The following ZBTB8A variants were observed in gnomAD, a reference collection of about 807,000 sequenced individuals.
The protein encoded by ZBTB8A is zinc finger and BTB domain containing 8A, also known as zinc finger and BTB domain-containing protein 8A.
In ZBTB8A, 19 loss-of-function variants were observed where a neutral mutation model predicts 37.8. The ratio of observed to expected loss-of-function variants is 0.50; its 90% CI spans 0.35 to 0.74. ZBTB8A has a LOEUF of 0.74. Ranked by LOEUF, ZBTB8A falls within the 30% of genes least tolerant of loss-of-function variation. The probability of loss-of-function intolerance (pLI) is 0.01; values close to 1 mark genes in which losing one functional copy is unlikely to be tolerated. For missense variants in ZBTB8A, 394 were observed against 537.8 expected, an observed-to-expected ratio of 0.73 and a Z score of 2.65; for synonymous variants, 181 against 185.2, an observed-to-expected ratio of 0.98 and a Z score of 0.19.
At position 32,601,945 on chromosome 1, in the gene ZBTB8A, T is replaced by G; in HGVS notation, c.*1526T>G. On this transcript the variant is annotated 3_prime_UTR_variant, in exon 5 of 5. Coordinates refer to ENST00000373510, the MANE Select transcript of ZBTB8A (RefSeq NM_001040441.3). The stretch of plus-strand genomic sequence containing the variant: ...TAAAGTATAAAACTATTTGAACAAA[T>G]TATTCACTTAAATATGTTGAACATT... 6.0e-6 allele frequency: 2 copies of G among 331,628 alleles called. No homozygotes were observed. The highest frequency in any genetic ancestry group is 9.2e-5 in the East Asian group (2 of 21,784). The allele number at this position is 331,628 out of a possible 1,614,324, so 20.5% of individuals were successfully genotyped here.
Position 32,584,933 on chromosome 1 carries a change from C to T in ZBTB8A, c.-1-7998C>T, listed in dbSNP as rs572140696. ...GGAGATCCTAGCACATGCAATAGGA[C>T]AAACATAAGAAATGAGACAGAAAAA... On this transcript the variant is annotated intron_variant, in intron 2 of 4. Transcript: ENST00000373510. Among the ~76,000 whole-genome samples, 3 of 149,482 alleles carry T rather than the reference C, an allele frequency of 2.0e-5. No homozygotes were observed. In the South Asian group the frequency reaches 6.3e-4, roughly 32 times the overall value.
At chr1:32,541,536 C>T (rs138348433) in intron 1 of ZBTB8A, among the ~76,000 whole-genome samples, 2 of 152,218 alleles carry the variant, frequency 1.3e-5, no homozygotes, top group South Asian at 4.1e-4. Flanking sequence ...TTTTCTGTCT[C>T]AGGCCATTTG....
intron 1 of ZBTB8A, among the ~76,000 whole-genome samples, chr1:32,552,542 G>A (rs1171746839): frequency 6.6e-6 from 1 of 151,786 alleles, no homozygotes; most frequent in Non-Finnish European, 1.5e-5. Context: ...GGTGTGTGCC[G>A]GTAATCCCAG....
In ZBTB8A at chr1:32,593,471, G is replaced by A. The variant is rs200375463; in HGVS notation, c.540G>A (p.Trp180Ter). 6.2e-7 allele frequency: 1 copy of A among 1,613,920 alleles called. No homozygotes were observed. Among genetic ancestry groups the A allele is most frequent in the Non-Finnish European group, 8.5e-7 (1 of 1,180,030 alleles). ...CAGGTATAATAAGTGGAAAATCTTGGAATAAGTATAATTATCATCCAGCCT... is the reference window on the plus strand; with the variant it reads ...CAGGTATAATAAGTGGAAAATCTTGAAATAAGTATAATTATCATCCAGCCT... ...QGTGIISGKS[W>*]NKYNYHPASQ... Residue 180 changes from tryptophan (W) to a stop codon, truncating the protein, a stop_gained, in exon 3 of 5, where the codon TGG becomes TGA. Transcript: ENST00000373510. LOFTEE classifies it high-confidence loss of function.
intron 2 of ZBTB8A, among the ~76,000 whole-genome samples, chr1:32,562,396 C>T (rs956517395): frequency 6.6e-6 from 1 of 151,736 alleles, no homozygotes; most frequent in Admixed American, 6.6e-5. Context: ...CTCAGCCTCC[C>T]GAGTAGCTGG....
chr1:32,573,353 C>T (rs1016792641), intron 2 of ZBTB8A, among the ~76,000 whole-genome samples: 11 of 150,718 alleles, frequency 7.3e-5, no homozygotes, highest in Non-Finnish European at 1.0e-4. Context: ...TGATTACAGG[C>T]GTGAGCCACC....
chr1:32,564,623 C>T (rs1029004492), intron 2 of ZBTB8A, among the ~76,000 whole-genome samples: 1 of 151,940 alleles, frequency 6.6e-6, no homozygotes, highest in African/African-American at 2.4e-5. Flanking sequence ...CACCAAAATA[C>T]CAAATAATTA....
chr1:32,595,036 C>T lies in ZBTB8A; in HGVS notation c.824-18C>T, dbSNP rs1175407677. On this transcript the variant is annotated intron_variant, in intron 3 of 4. Coordinates refer to ENST00000373510, the MANE Select transcript of ZBTB8A (RefSeq NM_001040441.3). ...GTTATGAACTTTCCAGTGATTTAATCAAAGCGTCTCTTGACAGATGATCTG... is the reference window on the plus strand; with the variant it reads ...GTTATGAACTTTCCAGTGATTTAATTAAAGCGTCTCTTGACAGATGATCTG... The T allele has an allele frequency of 6.2e-7, 1 of 1,600,634 alleles. No homozygotes were observed. The highest frequency in any genetic ancestry group is 1.1e-5 in the South Asian group (1 of 89,036).
chr1:32,575,494 A>C (rs541459389), intron 2 of ZBTB8A, among the ~76,000 whole-genome samples: 1 of 150,518 alleles, frequency 6.6e-6, no homozygotes, highest in Non-Finnish European at 1.5e-5. Flanking sequence ...CAAAGTGCTG[A>C]GATTACAGGC....
intron 2 of ZBTB8A, among the ~76,000 whole-genome samples, chr1:32,583,766 T>G (rs1644424978): frequency 6.6e-6 from 1 of 151,898 alleles, no homozygotes; most frequent in Admixed American, 6.6e-5. Context: ...GTTTTTGAAA[T>G]GGAGTCTCAC....
rs1170510859 is a variant in ZBTB8A, at chr1:32,560,615, C to CTTTTTTT, written c.-2+7093_-2+7099dup. 7.9e-4 allele frequency among the ~76,000 whole-genome samples: 72 copies of CTTTTTTT among 90,788 alleles called. 1 individual carries two copies. Among genetic ancestry groups the CTTTTTTT allele is most frequent in the African/African-American group, 1.5e-3 (33 of 22,212 alleles). 59.6% of individuals were successfully genotyped at this position (90,788 alleles called of 152,430 possible). A position where few individuals can be genotyped will look rare whatever the true frequency, so the allele number is the denominator to read the frequency against. ...CTTTCTTTTTTCTTTTCTTTTCTTT[C>CTTTTTTT]TTTTTTTTTTTTTTTTTTTTTTTTG... On this transcript the variant is annotated intron_variant, in intron 2 of 4. Coordinates refer to ENST00000373510, the MANE Select transcript of ZBTB8A (RefSeq NM_001040441.3).
intron 1 of ZBTB8A, among the ~76,000 whole-genome samples, chr1:32,542,798 T>A (rs1446331315): frequency 6.6e-6 from 1 of 152,232 alleles, no homozygotes; most frequent in Non-Finnish European, 1.5e-5. Context: ...ACTATTATAA[T>A]ATTTAACTCT....
intron 2 of ZBTB8A, among the ~76,000 whole-genome samples, chr1:32,581,294 A>T (rs1006511840): frequency 8.7e-6 from 1 of 115,282 alleles, no homozygotes; most frequent in Non-Finnish European, 1.7e-5. Context: ...ATATATATTT[A>T]TATATTATAT....
chr1:32,562,392 C>T (rs1644250411), intron 2 of ZBTB8A, among the ~76,000 whole-genome samples: 1 of 151,744 alleles, frequency 6.6e-6, no homozygotes, highest in South Asian at 2.1e-4. Flanking sequence ...CTGCCTCAGC[C>T]TCCCGAGTAG....
chr1:32,600,328 T>C lies in ZBTB8A; in HGVS notation c.1235T>C (p.Ile412Thr), dbSNP rs761465301. The C allele has an allele frequency of 7.4e-6, 12 of 1,614,012 alleles. No individual in the cohort carries two copies. Among genetic ancestry groups the C allele is most frequent in the East Asian group, 2.2e-5 (1 of 44,894 alleles). ...GATGAGAATAGATCCTATGTGGAGA[T>C]TGTAGAAGATGGGTCTGCTGATCTG... ...SEDENRSYVE[I>T]VEDGSADLVI... The change falls in exon 5 of 5, where the codon ATT becomes ACT. Residue 412 changes from isoleucine to threonine, a missense_variant. Coordinates refer to ENST00000373510, the MANE Select transcript of ZBTB8A (RefSeq NM_001040441.3).
At chr1:32,552,184 C>T (rs912613101) in intron 1 of ZBTB8A, among the ~76,000 whole-genome samples, 18 of 152,068 alleles carry the variant, frequency 1.2e-4, no homozygotes, top group African/African-American at 2.7e-4. Context: ...GGCAACATGA[C>T]GAAACCTCAT....
rs747159124 is a variant in ZBTB8A, at chr1:32,593,382, T to C, written c.451T>C (p.Tyr151His). The C allele has an allele frequency of 2.5e-6, 4 of 1,613,836 alleles. No homozygotes were observed. The Admixed American group carries it at 5.0e-5, about 20-fold the overall frequency. The change falls in exon 3 of 5, where the codon TAT becomes CAT. Residue 151 changes from tyrosine to histidine, a missense_variant. By Grantham distance (83) the Tyr-to-His change is moderately conservative. Transcript: ENST00000373510. ...NSNGVERSSF[Y>H]SGGWQEGSSS... ...TAATGGTGTAGAACGTTCCTCTTTT[T>C]ATAGTGGTGGCTGGCAAGAAGGAAG...
intron 2 of ZBTB8A, among the ~76,000 whole-genome samples, chr1:32,555,191 C>T (rs543504417): frequency 2.2e-4 from 33 of 152,082 alleles, no homozygotes; most frequent in Non-Finnish European, 4.1e-4. Context: ...AGATCGAGAC[C>T]ATCCTGGCTA....
intron 1 of ZBTB8A, among the ~76,000 whole-genome samples, chr1:32,540,416 A>C (rs894263536): frequency 2.6e-5 from 4 of 152,190 alleles, no homozygotes; most frequent in African/African-American, 9.7e-5. Flanking sequence ...ACAACTTTAA[A>C]TGGAGTGCTT....
Sources: allele counts gnomAD v4.1 joint callset (sites outside exome capture counted in the v4.1 genomes callset), GRCh38; gene constraint gnomAD v4.1.1; transcripts MANE v1.5; gene names NCBI Gene and HGNC (gene_info 2026-07-23, HGNC 2026-07-21).